Variants in GPC3 observed in about 807,000 individuals in gnomAD.
The protein encoded by GPC3 is glypican-3.
In GPC3, 3 loss-of-function variants were observed where a neutral mutation model predicts 34.4. The observed-to-expected ratio is 0.09, with a 90% CI of 0.04 to 0.23. The LOEUF (loss-of-function observed/expected upper bound fraction) is 0.23. Ranked by LOEUF, GPC3 falls within the 10% of genes least tolerant of loss-of-function variation. The pLI is 1.00. For synonymous variants in GPC3, 177 were observed against 174.0 expected, an observed-to-expected ratio of 1.02 and a Z score of -0.13; for missense variants, 351 against 445.6, an observed-to-expected ratio of 0.79 and a Z score of 1.91.
chrX:133,587,693 T>G (rs2069803322), intron 7 of GPC3, among the ~76,000 whole-genome samples: 1 of 112,518 alleles, frequency 8.9e-6, no homozygotes, highest in Non-Finnish European at 1.9e-5. Context: ...ATAATTTAAG[T>G]TATAACACTA....
intron 6 of GPC3, among the ~76,000 whole-genome samples, chrX:133,633,519 G>A (rs1033565557): frequency 8.9e-6 from 1 of 112,170 alleles, no homozygotes; most frequent in Non-Finnish European, 1.9e-5. Context: ...TGAAAATAAA[G>A]TGGACCTTAA....
intron 6 of GPC3, among the ~76,000 whole-genome samples, chrX:133,652,340 C>G (rs757052214): frequency 2.7e-5 from 3 of 111,065 alleles, no homozygotes; most frequent in Admixed American, 9.6e-5. Flanking sequence ...GTTTCGTCAG[C>G]TGCTTGCCCA....
Position 133,841,215 on chromosome X carries a change from A to ATTTTTTTTTTTTTTTTTTTTTT in GPC3, c.338-87061_338-87040dup, listed in dbSNP as rs769696321. Among the ~76,000 whole-genome samples the ATTTTTTTTTTTTTTTTTTTTTT allele has an allele frequency of 2.4e-3, 96 of 39,242 alleles. 33 individuals carry two copies. The highest frequency in any genetic ancestry group is 4.1e-3 in the Non-Finnish European group (77 of 18,663). The allele number at this position is 39,242 out of a possible 115,157, so 34.1% of individuals were successfully genotyped here. On this transcript the variant is annotated intron_variant, in intron 2 of 7. Coordinates refer to ENST00000370818, the MANE Select transcript of GPC3 (RefSeq NM_004484.4). ...ACCACCATGCCTGGCTAATCTTTTA[A>ATTTTTTTTTTTTTTTTTTTTTT]TTTTTTTTTTTTTTTTTTTTTTTGG... is the stretch of plus-strand genomic sequence containing the variant.
chrX:133,603,747 CACAA>C (rs2070014145), intron 6 of GPC3, among the ~76,000 whole-genome samples: 1 of 111,036 alleles, frequency 9.0e-6, no homozygotes, highest in Non-Finnish European at 1.9e-5. Context: ...AAATTGGAAA[CACAA>C]TGAAAGGGAA....
chrX:133,626,139 C>T (rs1439663311), intron 6 of GPC3, among the ~76,000 whole-genome samples: 7 of 111,879 alleles, frequency 6.3e-5, no homozygotes, highest in Non-Finnish European at 1.3e-4. Context: ...TGGATCCCTT[C>T]CTTACACCTT....
intron 7 of GPC3, among the ~76,000 whole-genome samples, chrX:133,566,942 G>A (rs1266145809): frequency 8.9e-6 from 1 of 111,845 alleles, no homozygotes; most frequent in Non-Finnish European, 1.9e-5. Context: ...AGTAGATAGG[G>A]AAGATTAAAT....
intron 3 of GPC3, among the ~76,000 whole-genome samples, chrX:133,702,564 CAGAA>C (rs1884672344): frequency 9.0e-6 from 1 of 111,391 alleles, no homozygotes; most frequent in Admixed American, 9.6e-5. Flanking sequence ...AATTGGTCCA[CAGAA>C]AGACTTTAAA....
At chrX:133,771,657 T>A (rs775725344) in intron 2 of GPC3, among the ~76,000 whole-genome samples, 1 of 112,529 alleles carries the variant, frequency 8.9e-6, no homozygotes, top group East Asian at 2.8e-4. Context: ...CACAATTAGA[T>A]GAATTAAAAT....
At chrX:133,791,805 CTT>C (rs1333180694) in intron 2 of GPC3, among the ~76,000 whole-genome samples, 3 of 11,112 alleles carry the variant, frequency 2.7e-4, no homozygotes, top group Admixed American at 3.6e-3. Flanking sequence ...CTTTTCCTTC[CTT>C]CCTTCCTTCC....
At chrX:133,867,566 T>C (rs2075973841) in intron 2 of GPC3, among the ~76,000 whole-genome samples, 1 of 108,700 alleles carries the variant, frequency 9.2e-6, no homozygotes, top group African/African-American at 3.4e-5. Context: ...AAATCCTCTC[T>C]ATCCCCATAA....
intron 3 of GPC3, among the ~76,000 whole-genome samples, chrX:133,741,295 A>AT (rs1053588094): frequency 1.2e-4 from 13 of 110,960 alleles, no homozygotes; most frequent in African/African-American, 4.2e-4. Context: ...AAAAAAAAAA[A>AT]AAGAAAGAAA....
In GPC3 at chrX:133,668,258, T is replaced by G. The variant is rs149159190; in HGVS notation, c.1293-6408A>C. ...CTCCGACCTGCCTATTTCAAAAAGATAGTATATTAGTGAGGATGTGAACAT... is the reference window on the plus strand; with the variant it reads ...CTCCGACCTGCCTATTTCAAAAAGAGAGTATATTAGTGAGGATGTGAACAT... On this transcript the variant is annotated intron_variant, in intron 5 of 7. Coordinates refer to ENST00000370818, the MANE Select transcript of GPC3 (RefSeq NM_004484.4). 8.2e-3 allele frequency among the ~76,000 whole-genome samples: 919 copies of G among 111,667 alleles called. 9 individuals are homozygous for G. Among genetic ancestry groups the G allele is most frequent in the African/African-American group, 0.028 (870 of 30,632 alleles).
intron 3 of GPC3, among the ~76,000 whole-genome samples, chrX:133,745,395 C>T (rs2071604006): frequency 8.9e-6 from 1 of 112,372 alleles, no homozygotes; most frequent in South Asian, 3.7e-4. Flanking sequence ...AAAGAGAAAA[C>T]TTAATTCAGC....
chrX:133,753,906 C>T lies in GPC3; in HGVS notation c.608G>A (p.Arg203His), dbSNP rs375160737. Residue 203 changes from arginine (R) to histidine (H), a missense_variant, in exon 3 of 8, where the codon CGT becomes CAT. Coordinates refer to ENST00000370818, the MANE Select transcript of GPC3 (RefSeq NM_004484.4). ...DINECLRGAR[R>H]DLKVFGNFPK... is the part of the protein sequence containing the mutation. The stretch of plus-strand genomic sequence containing the variant: ...GAAATTCCCAAATACTTTCAGGTCA[C>T]GTCTTGCTCCTCGGAGGCACTCATT... 21 of 1,209,980 alleles carry T rather than the reference C, an allele frequency of 1.7e-5. No homozygotes were observed. Among genetic ancestry groups the T allele is most frequent in the Admixed American group, 6.6e-5 (3 of 45,776 alleles).
At chrX:133,631,189 C>T (rs1331477815) in intron 6 of GPC3, among the ~76,000 whole-genome samples, 2 of 111,795 alleles carry the variant, frequency 1.8e-5, no homozygotes, top group Non-Finnish European at 3.8e-5. Flanking sequence ...CATTACTGTA[C>T]AACCAATCTC....
At chrX:133,917,010 T>G (rs1467565528) in intron 2 of GPC3, among the ~76,000 whole-genome samples, 4 of 112,007 alleles carry the variant, frequency 3.6e-5, no homozygotes, top group Non-Finnish European at 7.5e-5. Flanking sequence ...GCAAATTCCT[T>G]AATCTCCCTG....
At chrX:133,692,629 T>C (rs929483809) in intron 4 of GPC3, 135 bp from the exon 5 acceptor site, 5 of 547,691 alleles carry the variant, frequency 9.1e-6, no homozygotes, top group Admixed American at 6.7e-5. Flanking sequence ...AAGACATTCT[T>C]GGCTACAAGG....
intron 5 of GPC3, among the ~76,000 whole-genome samples, chrX:133,673,763 T>A (rs965830419): frequency 5.4e-5 from 6 of 112,055 alleles, no homozygotes; most frequent in African/African-American, 1.9e-4. Context: ...CCTGCACTGT[T>A]TTGAGAATTA....
intron 2 of GPC3, among the ~76,000 whole-genome samples, chrX:133,907,787 T>A (rs1361737510): frequency 9.0e-6 from 1 of 111,415 alleles, no homozygotes; most frequent in Non-Finnish European, 1.9e-5. Flanking sequence ...TTAGGAGAAG[T>A]TCCCAGAAGT....
Sources: gnomAD v4.1 joint callset for allele counts (sites outside exome capture counted in the v4.1 genomes callset) on GRCh38, gnomAD v4.1.1 for gene constraint, MANE v1.5 for transcripts, NCBI Gene and HGNC (gene_info 2026-07-23, HGNC 2026-07-21) for gene names.